IFT88: variants seen among roughly 807,000 people sequenced by gnomAD.
IFT88 encodes the protein intraflagellar transport 88.
In IFT88, 74 loss-of-function variants were observed where a neutral mutation model predicts 119.5. The ratio of observed to expected loss-of-function variants is 0.62; its 90% confidence interval spans 0.51 to 0.75. The LOEUF (loss-of-function observed/expected upper bound fraction) is 0.75, where lower values mean the gene tolerates loss of function less well. Among genes scored for constraint, IFT88 ranks in the 30% least tolerant of loss-of-function variants. IFT88 has a pLI of 0.00. For synonymous variants in IFT88, 279 were observed against 316.7 expected (o/e 0.88, Z 1.26); for missense variants, 961 against 977.7 (o/e 0.98, Z 0.23).
At chr13:20,662,580 G>T (rs1375274049) in intron 22 of IFT88, among the ~76,000 whole-genome samples, 3 of 151,932 alleles carry the variant, frequency 2.0e-5, no homozygotes, top group African/African-American at 7.3e-5. Context: ...TTTATTTTTT[G>T]TTTTTTACCT....
chr13:20,636,315 C>A (rs1201720763), intron 16 of IFT88, among the ~76,000 whole-genome samples: 1 of 152,226 alleles, frequency 6.6e-6, no homozygotes, highest in Non-Finnish European at 1.5e-5. Context: ...CTGCCACCAT[C>A]TGAGAATCTT....
chr13:20,680,507 A>T (rs933612280), intron 24 of IFT88, among the ~76,000 whole-genome samples: 3 of 152,120 alleles, frequency 2.0e-5, no homozygotes, highest in Admixed American at 1.3e-4. Flanking sequence ...GGGAATACTC[A>T]TGGCGATGGT....
At chr13:20,663,023 C>T (rs2140837100) in intron 22 of IFT88, among the ~76,000 whole-genome samples, 1 of 152,272 alleles carries the variant, frequency 6.6e-6, no homozygotes, top group Non-Finnish European at 1.5e-5. Flanking sequence ...CTGTAAAATA[C>T]ATCTTTTTTA....
intron 13 of IFT88, chr13:20,607,817 C>T: frequency 1.4e-6 from 1 of 737,856 alleles, no homozygotes; most frequent in Non-Finnish European, 2.6e-6. Context: ...GTTGTCAATG[C>T]CACCAAGAGA....
At chr13:20,689,476 A>G (rs1222739056) in intron 24 of IFT88, among the ~76,000 whole-genome samples, 2 of 152,156 alleles carry the variant, frequency 1.3e-5, no homozygotes, top group African/African-American at 4.8e-5. Flanking sequence ...TATCTCTGTA[A>G]TGAGAACACC....
In IFT88 at chr13:20,690,710, G is replaced by A. The variant is rs138716049; in HGVS notation, c.2248G>A (p.Gly750Ser). ...KREGSASGDSGQNYSASSKGE... is the reference protein window; with the variant it reads ...KREGSASGDSSQNYSASSKGE... ...TTTTATTTTCGTGTTTTCAGATAGT[G>A]GCCAGAACTATAGTGCCAGTAGTAA... Residue 750 changes from glycine to serine, a missense_variant, in exon 25 of 26, where the codon GGC becomes AGC. Coordinates refer to ENST00000351808, the MANE Select transcript of IFT88 (RefSeq NM_006531.5). 23 of 1,606,412 alleles carry A rather than the reference G, an allele frequency of 1.4e-5. No individual in the cohort carries two copies. The highest frequency in any genetic ancestry group is 2.7e-5 in the African/African-American group (2 of 74,754).
intron 3 of IFT88, among the ~76,000 whole-genome samples, chr13:20,585,377 AGAGCAGGGCCTAG>A (rs1451154208): frequency 1.3e-5 from 2 of 152,242 alleles, no homozygotes; most frequent in African/African-American, 2.4e-5. Context: ...AGAGATGCAT[AGAGCAGGGCCTAG>A]GAGTGGTCCA....
intron 22 of IFT88, among the ~76,000 whole-genome samples, chr13:20,659,783 A>T (rs1393206026): frequency 6.6e-6 from 1 of 151,982 alleles, no homozygotes; most frequent in Non-Finnish European, 1.5e-5. Flanking sequence ...AGCTGGGATT[A>T]CAGGTGCCTG....
At chr13:20,590,681 A>G (rs773049544) in intron 4 of IFT88, among the ~76,000 whole-genome samples, 3 of 152,170 alleles carry the variant, frequency 2.0e-5, no homozygotes, top group East Asian at 3.8e-4. Context: ...CTCTGTTGCT[A>G]CTATCCAACT....
intron 2 of IFT88, among the ~76,000 whole-genome samples, chr13:20,582,245 A>G (rs527487177): frequency 1.6e-4 from 24 of 152,342 alleles, no homozygotes; most frequent in African/African-American, 5.5e-4. Flanking sequence ...TTCAGGAAAC[A>G]CAGGAACCCT....
intron 3 of IFT88, among the ~76,000 whole-genome samples, chr13:20,584,518 A>G (rs190124553): frequency 2.6e-5 from 4 of 152,314 alleles, no homozygotes. Flanking sequence ...CTTAATTTAC[A>G]GATTACCCTT....
At chr13:20,597,514 G>A (rs1023571755) in intron 9 of IFT88, among the ~76,000 whole-genome samples, 4 of 152,058 alleles carry the variant, frequency 2.6e-5, no homozygotes, top group South Asian at 4.1e-4. Context: ...GGAGGCCGAG[G>A]CGGGCAGATC....
rs377485988 is a variant in IFT88, at chr13:20,635,770, T to A, written c.1387-2562T>A. Among the ~76,000 whole-genome samples, 355 of 152,238 alleles carry A rather than the reference T, an allele frequency of 2.3e-3. 1 individual carries two copies. Among genetic ancestry groups the A allele is most frequent in the South Asian group, 0.017 (81 of 4,816 alleles). On this transcript the variant is annotated intron_variant, in intron 16 of 25. Coordinates refer to ENST00000351808, the MANE Select transcript of IFT88 (RefSeq NM_006531.5). ...GGAGAGCATTAGGACCAATACCTAA[T>A]GCATACAGGGCTTAAAACCTAGATG...
At position 20,677,943 on chromosome 13, in the gene IFT88, A is replaced by G. The variant is rs60873659; in HGVS notation, c.2242+6904A>G. ...TCATTTTAGATAGTACTTTCAAAAA[A>G]TAAGAAACTAATAGGGGCAGTTGAT... On this transcript the variant is annotated intron_variant, in intron 24 of 25. Transcript: ENST00000351808. Among the ~76,000 whole-genome samples the G allele has an allele frequency of 3.1e-3, 477 of 152,372 alleles. 1 individual carries two copies. The highest frequency in any genetic ancestry group is 0.01 in the African/African-American group (436 of 41,598).
chr13:20,577,023 G>A (rs761312673), intron 2 of IFT88, among the ~76,000 whole-genome samples: 1 of 151,956 alleles, frequency 6.6e-6, no homozygotes, highest in Non-Finnish European at 1.5e-5. Context: ...ATTTTCTTAT[G>A]TCCTCTTCAG....
rs1042912151 is a variant in IFT88, at chr13:20,656,572, C to T, written c.2068+142C>T. On this transcript the variant is annotated intron_variant, in intron 22 of 25. Coordinates refer to ENST00000351808, the MANE Select transcript of IFT88 (RefSeq NM_006531.5). ...ATACATATTTTAAATATTTTTATAG[C>T]ATCAGAAAATTTGACTATGCAAGTA... 5 of 384,378 alleles carry T rather than the reference C, an allele frequency of 1.3e-5. No individual in the cohort carries two copies. The Admixed American group carries it at 1.9e-4, about 14-fold the overall frequency. The allele number at this position is 384,378 out of a possible 1,614,324, so 23.8% of individuals were successfully genotyped here.
chr13:20,608,069 A>G (rs2043821850), intron 13 of IFT88: 2 of 521,974 alleles, frequency 3.8e-6, no homozygotes, highest in Non-Finnish European at 7.4e-6. Context: ...GGGGACTATC[A>G]TGGCTGCAAC....
intron 10 of IFT88, 74 bp downstream of exon 10, chr13:20,598,827 GCTTC>G: frequency 3.4e-6 from 3 of 880,738 alleles, no homozygotes; most frequent in Non-Finnish European, 5.6e-6. Context: ...TTCATTTTAT[GCTTC>G]CTTAAAATGA....
chr13:20,636,403 C>G (rs374483076), intron 16 of IFT88, among the ~76,000 whole-genome samples: 3 of 152,208 alleles, frequency 2.0e-5, no homozygotes, highest in Non-Finnish European at 4.4e-5. Context: ...TATATTTTCT[C>G]TAAATTCTAC....
Sources: gnomAD v4.1 joint callset for allele counts (sites outside exome capture counted in the v4.1 genomes callset) on GRCh38, gnomAD v4.1.1 for gene constraint, MANE v1.5 for transcripts, NCBI Gene and HGNC (gene_info 2026-07-23, HGNC 2026-07-21) for gene names.